Variants in PDE4D observed in about 807,000 individuals in gnomAD.
The protein encoded by PDE4D is phosphodiesterase 4D.
Under a neutral mutation model 87.4 loss-of-function variants are expected in PDE4D, and 24 were observed. The ratio of observed to expected loss-of-function variants is 0.27; its 90% confidence interval spans 0.20 to 0.39. PDE4D has a LOEUF of 0.39. PDE4D is among the 10% of genes least tolerant of loss of function. The pLI, the probability that PDE4D is intolerant of heterozygous loss-of-function variation, is 1.00. For missense variants in PDE4D, 714 were observed against 1,041.0 expected, an observed-to-expected ratio of 0.69 and a Z score of 4.32; for synonymous variants, 384 against 383.2, an observed-to-expected ratio of 1.00 and a Z score of -0.02.
chr5:59,856,634 T>C (rs1364927149), intron 1 of PDE4D, among the ~76,000 whole-genome samples: 3 of 152,172 alleles, frequency 2.0e-5, no homozygotes, highest in Non-Finnish European at 2.9e-5. Flanking sequence ...ATTTTGCATT[T>C]AATTTGCATA....
chr5:59,388,281 G>T lies in PDE4D; in HGVS notation c.456-172313C>A, dbSNP rs1279765804. ...TGTTCAACATCACTTAATAATCAAGGAAATGCAAACTAAAACCACAATGAG... is the reference window on the plus strand; with the variant it reads ...TGTTCAACATCACTTAATAATCAAGTAAATGCAAACTAAAACCACAATGAG... On this transcript the variant is annotated intron_variant, in intron 1 of 14. Transcript: ENST00000340635. Among the ~76,000 whole-genome samples, 3 of 151,998 alleles carry T rather than the reference G, an allele frequency of 2.0e-5. No homozygotes were observed. The East Asian group carries it at 5.8e-4, about 29-fold the overall frequency.
intron 2 of PDE4D, among the ~76,000 whole-genome samples, chr5:60,091,402 A>T (rs905587567): frequency 1.3e-5 from 2 of 152,224 alleles, no homozygotes; most frequent in East Asian, 3.9e-4. Flanking sequence ...TCACTTAATT[A>T]TCAGGGAAAT....
intron 1 of PDE4D, among the ~76,000 whole-genome samples, chr5:59,619,153 A>T (rs796136576): frequency 2.6e-5 from 4 of 152,228 alleles, no homozygotes; most frequent in African/African-American, 9.6e-5. Flanking sequence ...ATTCAAAATG[A>T]TTATCAAGTT....
chr5:59,329,585 GGATTATCACA>G, intron 1 of PDE4D, among the ~76,000 whole-genome samples: 1 of 152,196 alleles, frequency 6.6e-6, no homozygotes, highest in East Asian at 1.9e-4. Flanking sequence ...GTCATGATTT[GGATTATCACA>G]ATACTTTAGG....
intron 5 of PDE4D, among the ~76,000 whole-genome samples, chr5:59,105,397 A>G (rs879432307): frequency 2.6e-5 from 4 of 152,202 alleles, no homozygotes; most frequent in Admixed American, 6.5e-5. Context: ...CACAGTGGAA[A>G]AACATAGACA....
intron 6 of PDE4D, among the ~76,000 whole-genome samples, chr5:59,028,347 A>C (rs796215330): frequency 2.0e-5 from 3 of 152,066 alleles, no homozygotes; most frequent in African/African-American, 7.2e-5. Flanking sequence ...TTATTAGGTC[A>C]CTTTATCAAA....
intron 1 of PDE4D, among the ~76,000 whole-genome samples, chr5:59,311,084 C>T (rs1385407719): frequency 1.3e-5 from 2 of 152,096 alleles, no homozygotes; most frequent in African/African-American, 4.8e-5. Flanking sequence ...GGACAGATTA[C>T]CATTAGCAGA....
intron 1 of PDE4D, among the ~76,000 whole-genome samples, chr5:59,243,022 T>C (rs17528257): frequency 0.085 from 12,933 of 152,250 alleles, 631 homozygotes; most frequent in Non-Finnish European, 0.11. Context: ...GCAGGCACAG[T>C]ATTTCTTACG....
At position 59,141,401 on chromosome 5, in the gene PDE4D, G is replaced by A. The variant is rs138978588; in HGVS notation, c.808+39194C>T. On this transcript the variant is annotated intron_variant, in intron 5 of 14. Coordinates refer to ENST00000340635, the MANE Select transcript of PDE4D (RefSeq NM_001104631.2). Reference sequence around the variant, plus strand: ...GAGAAGTGAAATAGTTTTTCCAGGGGCATGCAGTCTGTTATTAACAAAGTT... The same window carrying A: ...GAGAAGTGAAATAGTTTTTCCAGGGACATGCAGTCTGTTATTAACAAAGTT... 2.6e-5 allele frequency among the ~76,000 whole-genome samples: 4 copies of A among 152,248 alleles called. No homozygotes were observed. In the East Asian group the frequency reaches 5.8e-4, roughly 22 times the overall value.
chr5:60,388,109 C>T (rs1762318475), intron 1 of PDE4D, among the ~76,000 whole-genome samples: 2 of 152,152 alleles, frequency 1.3e-5, no homozygotes, highest in South Asian at 4.1e-4. Context: ...GCTTCTGCGT[C>T]CTCCGTAGAT....
At chr5:59,772,240 T>A (rs1763656466) in intron 1 of PDE4D, among the ~76,000 whole-genome samples, 1 of 152,176 alleles carries the variant, frequency 6.6e-6, no homozygotes, top group Non-Finnish European at 1.5e-5. Context: ...CAGAGGGTGC[T>A]CTTCCAACAG....
rs1763646529 is a variant in PDE4D at position 59,997,776 on chromosome 5, T to C, written c.43-9059A>G. On this transcript the variant is annotated intron_variant, in intron 2 of 16. Coordinates refer to the PDE4D transcript ENST00000502484. ...CATAGGTTCATGCTTAAGATCAGGATAATAATAGAAACTTAGTAATATTTA... is the reference window on the plus strand; with the variant it reads ...CATAGGTTCATGCTTAAGATCAGGACAATAATAGAAACTTAGTAATATTTA... Among the ~76,000 whole-genome samples the C allele has an allele frequency of 2.0e-5, 3 of 152,224 alleles. No homozygotes were observed. The South Asian group carries it at 6.2e-4, about 32-fold the overall frequency.
chr5:59,165,897 C>T (rs1307608472), intron 5 of PDE4D, among the ~76,000 whole-genome samples: 1 of 152,114 alleles, frequency 6.6e-6, no homozygotes, highest in Admixed American at 6.6e-5. Flanking sequence ...GACAAAGAAA[C>T]TAAGAACAGT....
chr5:59,745,298 T>C (rs1759444241), intron 1 of PDE4D, among the ~76,000 whole-genome samples: 1 of 152,128 alleles, frequency 6.6e-6, no homozygotes, highest in Non-Finnish European at 1.5e-5. Flanking sequence ...TGATGCTAGT[T>C]ATAATTCTAT....
In PDE4D at chr5:59,457,452, G is replaced by A. The variant is rs571376691; in HGVS notation, c.456-241484C>T. Among the ~76,000 whole-genome samples the A allele has an allele frequency of 3.0e-4, 45 of 152,302 alleles. 2 individuals are homozygous for A. The South Asian group carries it at 9.3e-3, about 32-fold the overall frequency. ...TTTGTATGTACTGGAAAACCAAAAT[G>A]TGTGTGACTCACTTTATTGGAATAT... On this transcript the variant is annotated intron_variant, in intron 1 of 14. Transcript: ENST00000340635.
intron 1 of PDE4D, among the ~76,000 whole-genome samples, chr5:59,454,224 T>A (rs1473927901): frequency 1.3e-5 from 2 of 152,224 alleles, no homozygotes; most frequent in African/African-American, 4.8e-5. Flanking sequence ...AGAGTTCTGA[T>A]GGATACATGA....
At chr5:59,775,773 A>G (rs1764015129) in intron 1 of PDE4D, among the ~76,000 whole-genome samples, 1 of 152,220 alleles carries the variant, frequency 6.6e-6, no homozygotes, top group Admixed American at 6.5e-5. Context: ...TCAGAGGAAT[A>G]TAACACAATA....
chr5:59,642,253 T>A (rs1741705359), intron 1 of PDE4D, among the ~76,000 whole-genome samples: 1 of 151,888 alleles, frequency 6.6e-6, no homozygotes. Flanking sequence ...CTTTTTACTA[T>A]ATATATATTT....
At chr5:59,117,628 T>C (rs1773821152) in intron 5 of PDE4D, among the ~76,000 whole-genome samples, 1 of 152,202 alleles carries the variant, frequency 6.6e-6, no homozygotes, top group African/African-American at 2.4e-5. Flanking sequence ...GGTTCTATTA[T>C]TTGACATTGA....
Sources: allele counts gnomAD v4.1 joint callset (sites outside exome capture counted in the v4.1 genomes callset), GRCh38; gene constraint gnomAD v4.1.1; transcripts MANE v1.5; gene names NCBI Gene and HGNC (gene_info 2026-07-23, HGNC 2026-07-21).